Variants in HS3ST2 observed in about 807,000 individuals in gnomAD.
The protein encoded by HS3ST2 is heparan sulfate-glucosamine 3-sulfotransferase 2, also known as heparan sulfate glucosamine 3-O-sulfotransferase 2.
A neutral mutation model predicts 26.3 loss-of-function variants in HS3ST2; 17 were observed. The observed-to-expected ratio is 0.65, with a 90% CI of 0.44 to 0.97. HS3ST2 has a LOEUF of 0.97. Ranked by LOEUF, HS3ST2 falls within the 50% of genes least tolerant of loss-of-function variation. The probability of loss-of-function intolerance (pLI) is 0.00; values close to 1 mark genes in which losing one functional copy is unlikely to be tolerated. For missense variants in HS3ST2, 402 were observed against 501.2 expected (o/e 0.80, Z 1.89); for synonymous variants, 237 against 219.2 (o/e 1.08, Z -0.72).
At position 22,814,617 on chromosome 16, in the gene HS3ST2, T is replaced by C; in HGVS notation, c.7T>C (p.Tyr3His). The C allele has an allele frequency of 4.5e-6, 7 of 1,543,740 alleles. No homozygotes were observed. Among genetic ancestry groups the C allele is most frequent in the Non-Finnish European group, 5.2e-6 (6 of 1,145,982 alleles). MA[Y>H]RVLGRAGPPQ... is the part of the protein sequence containing the mutation. ...GGCGCGGGCCCATGGAGCCATGGCC[T>C]ATAGGGTCCTGGGCCGCGCGGGGCC... is the stretch of plus-strand genomic sequence containing the variant. Residue 3 changes from tyrosine (Y) to histidine (H), a missense_variant, in exon 1 of 2, where the codon TAT becomes CAT. Physicochemically the swap from Tyr to His is moderately conservative, Grantham distance 83. Coordinates refer to ENST00000261374, the MANE Select transcript of HS3ST2 (RefSeq NM_006043.2).
intron 1 of HS3ST2, among the ~76,000 whole-genome samples, chr16:22,844,840 A>C (rs1901407791): frequency 6.6e-6 from 1 of 150,854 alleles, no homozygotes. Context: ...GAGACAGTTA[A>C]ACCTCTTTTC....
At chr16:22,820,313 T>C (rs889023199) in intron 1 of HS3ST2, among the ~76,000 whole-genome samples, 1 of 152,146 alleles carries the variant, frequency 6.6e-6, no homozygotes, top group Admixed American at 6.5e-5. Flanking sequence ...CTCAAGGAAG[T>C]TTTTTGAAGA....
intron 1 of HS3ST2, among the ~76,000 whole-genome samples, chr16:22,834,225 T>C (rs1901217235): frequency 6.6e-6 from 1 of 152,134 alleles, no homozygotes; most frequent in Non-Finnish European, 1.5e-5. Flanking sequence ...GGAAACTGAT[T>C]AAAGAATTTT....
At position 22,868,276 on chromosome 16, in the gene HS3ST2, G is replaced by T. The variant is rs540692986; in HGVS notation, c.486-46668G>T. On this transcript the variant is annotated intron_variant, in intron 1 of 1. Transcript: ENST00000261374. ...ATACAAAAATTAGCTGGGCGTGGTG[G>T]CATGCACCCGTAGTCCCAGCTACCT... Among the ~76,000 whole-genome samples the T allele has an allele frequency of 2.0e-5, 3 of 151,962 alleles. No individual in the cohort carries two copies. The East Asian group carries it at 5.8e-4, about 29-fold the overall frequency.
rs560865989 is a variant in HS3ST2 at position 22,832,526 on chromosome 16, C to T, written c.485+17431C>T. On this transcript the variant is annotated intron_variant, in intron 1 of 1. Transcript: ENST00000261374. ...GTCTTCCCCATCCCACACCCACATT[C>T]CTGAATGATGTTGGGGTCTGAAGTA... Among the ~76,000 whole-genome samples the T allele has an allele frequency of 5.9e-5, 9 of 151,974 alleles. No individual in the cohort carries two copies. The South Asian group carries it at 1.9e-3, about 32-fold the overall frequency.
intron 1 of HS3ST2, among the ~76,000 whole-genome samples, chr16:22,868,892 A>G (rs1363281567): frequency 6.6e-6 from 1 of 152,062 alleles, no homozygotes; most frequent in African/African-American, 2.4e-5. Context: ...GTAATTAGAC[A>G]TTAACTAGTA....
intron 1 of HS3ST2, among the ~76,000 whole-genome samples, chr16:22,826,841 A>G (rs1183077411): frequency 1.3e-5 from 2 of 152,224 alleles, no homozygotes; most frequent in African/African-American, 2.4e-5. Flanking sequence ...TGTCAGCCAC[A>G]TAGTCACTGG....
At chr16:22,850,572 A>T (rs1185168539) in intron 1 of HS3ST2, among the ~76,000 whole-genome samples, 2 of 152,152 alleles carry the variant, frequency 1.3e-5, no homozygotes, top group Non-Finnish European at 2.9e-5. Context: ...AGATCACTTG[A>T]GGTCAGGAGT....
Position 22,843,330 on chromosome 16 carries a change from A to G in HS3ST2, c.485+28235A>G, listed in dbSNP as rs200321790. ...GACTGTCCTCTAATTCAATTCTGAC[A>G]TTATCTACCCAGAAACAGCGTCAGA... On this transcript the variant is annotated intron_variant, in intron 1 of 1. Coordinates refer to ENST00000261374, the MANE Select transcript of HS3ST2 (RefSeq NM_006043.2). Among the ~76,000 whole-genome samples, 5 of 152,098 alleles carry G rather than the reference A, an allele frequency of 3.3e-5. No homozygotes were observed. The East Asian group carries it at 7.7e-4, about 24-fold the overall frequency.
At chr16:22,816,544 A>C (rs1900872590) in intron 1 of HS3ST2, among the ~76,000 whole-genome samples, 2 of 152,208 alleles carry the variant, frequency 1.3e-5, no homozygotes, top group Admixed American at 1.3e-4. Context: ...CATTGCAGCC[A>C]ACCAGGGGCT....
At chr16:22,833,924 A>G (rs1901212330) in intron 1 of HS3ST2, among the ~76,000 whole-genome samples, 1 of 151,318 alleles carries the variant, frequency 6.6e-6, no homozygotes, top group Admixed American at 6.6e-5. Flanking sequence ...TATATTGTTC[A>G]GCTAAAAAAA....
chr16:22,821,097 C>T (rs1297404322), intron 1 of HS3ST2, among the ~76,000 whole-genome samples: 3 of 151,978 alleles, frequency 2.0e-5, no homozygotes, highest in Admixed American at 2.0e-4. Flanking sequence ...GAGCTGGATT[C>T]ATTTTATATT....
intron 1 of HS3ST2, among the ~76,000 whole-genome samples, chr16:22,864,882 C>CAAAAAAAAAA (rs34942780): frequency 0.062 from 3,534 of 56,802 alleles, 444 homozygotes; most frequent in East Asian, 0.24. Flanking sequence ...CCTGTCTCCA[C>CAAAAAAAAAA]AAAAAAAAAA....
chr16:22,884,875 C>G (rs1261121410), intron 1 of HS3ST2, among the ~76,000 whole-genome samples: 1 of 147,710 alleles, frequency 6.8e-6, no homozygotes, highest in African/African-American at 2.5e-5. Flanking sequence ...GAGTCTCACT[C>G]TGTCACCCAG....
chr16:22,848,279 G>A (rs1901472377), intron 1 of HS3ST2, among the ~76,000 whole-genome samples: 1 of 152,190 alleles, frequency 6.6e-6, no homozygotes, highest in African/African-American at 2.4e-5. Context: ...GAAAACAAGG[G>A]CAAGAAGACT....
intron 1 of HS3ST2, among the ~76,000 whole-genome samples, chr16:22,836,091 G>A (rs564181507): frequency 6.6e-6 from 1 of 152,100 alleles, no homozygotes; most frequent in South Asian, 2.1e-4. Flanking sequence ...AATTAGGAAT[G>A]AGAAAGAGGA....
intron 1 of HS3ST2, among the ~76,000 whole-genome samples, chr16:22,878,615 A>C (rs973249976): frequency 4.6e-5 from 7 of 152,156 alleles, no homozygotes; most frequent in African/African-American, 1.7e-4. Flanking sequence ...AGGGTCAAAA[A>C]AAAAGAAATA....
chr16:22,913,144 AAGGAAGGGAGGG>A (rs1228291530), intron 1 of HS3ST2, among the ~76,000 whole-genome samples: 7 of 95,730 alleles, frequency 7.3e-5, no homozygotes, highest in African/African-American at 3.4e-4. Flanking sequence ...GGAAGGAAGG[AAGGAAGGGAGGG>A]AGGGAGGGAG....
chr16:22,892,533 G>A (rs1046802323), intron 1 of HS3ST2, among the ~76,000 whole-genome samples: 1 of 152,030 alleles, frequency 6.6e-6, no homozygotes, highest in Non-Finnish European at 1.5e-5. Context: ...TCACAGCATA[G>A]CAGTTCATTA....
Sources: allele counts gnomAD v4.1 joint callset (sites outside exome capture counted in the v4.1 genomes callset), GRCh38; gene constraint gnomAD v4.1.1; transcripts MANE v1.5; gene names NCBI Gene and HGNC (gene_info 2026-07-23, HGNC 2026-07-21).